The following TPX2 variants were observed in gnomAD, a reference collection of about 807,000 sequenced individuals.
TPX2 encodes TPX2 microtubule nucleation factor.
In TPX2, 21 loss-of-function variants were observed where a neutral mutation model predicts 93.6. The ratio of observed to expected loss-of-function variants is 0.22; its 90% confidence interval spans 0.16 to 0.32. TPX2 has a LOEUF of 0.32. TPX2 is among the 10% of genes least tolerant of loss of function. TPX2 has a pLI of 1.00. For missense variants in TPX2, 776 were observed against 871.1 expected (o/e 0.89, Z 1.37); for synonymous variants, 281 against 298.3 (o/e 0.94, Z 0.60).
At chr20:31,758,748 C>T (rs1323283912) in intron 3 of TPX2, among the ~76,000 whole-genome samples, 2 of 151,990 alleles carry the variant, frequency 1.3e-5, no homozygotes, top group Non-Finnish European at 2.9e-5. Context: ...TGAGAGGAGT[C>T]GTCTGTTGGA....
Position 31,777,527 on chromosome 20 carries a change from A to G in TPX2, c.771A>G (p.Ser257=). ...VKKSVSQVTK[S]VDFHFRTDER... ...AATCAGTGAGCCAGGTCACCAAATC[A>G]GTTGACTTCCACTTCCGCACAGATG... The change falls in exon 9 of 18, where the codon TCA becomes TCG. Residue 257 remains serine (S), a synonymous_variant. Transcript: ENST00000300403. 3 of 1,614,178 alleles carry G rather than the reference A, an allele frequency of 1.9e-6. No homozygotes were observed. Among genetic ancestry groups the G allele is most frequent in the Non-Finnish European group, 2.5e-6 (3 of 1,180,018 alleles).
chr20:31,752,253 G>A (rs146098417), intron 2 of TPX2, among the ~76,000 whole-genome samples: 88 of 152,260 alleles, frequency 5.8e-4, no homozygotes, highest in African/African-American at 2.0e-3. Context: ...GCAAGAAGAA[G>A]GATAAAGGGA....
Position 31,783,219 on chromosome 20 carries a change from ATTCT to A in TPX2, c.1197-480_1197-477del, listed in dbSNP as rs368788479. 2.4e-3 allele frequency among the ~76,000 whole-genome samples: 372 copies of A among 151,838 alleles called. 2 individuals are homozygous for A. Among genetic ancestry groups the A allele is most frequent in the African/African-American group, 8.4e-3 (350 of 41,428 alleles). Reference sequence around the variant, plus strand: ...TAGGGATGTTAGGACTGTCTGATTTATTCTTTCTTCTTTTATTCTTTTATTATTT... The same window carrying A: ...TAGGGATGTTAGGACTGTCTGATTTATTCTTCTTTTATTCTTTTATTATTT... On this transcript the variant is annotated intron_variant, in intron 11 of 17. Coordinates refer to ENST00000300403, the MANE Select transcript of TPX2 (RefSeq NM_012112.5).
chr20:31,784,043 A>G (rs2062050601), intron 12 of TPX2, 122 bp downstream of exon 12: 4 of 1,048,616 alleles, frequency 3.8e-6, no homozygotes, highest in Middle Eastern at 5.9e-4. Context: ...TGCAGGTGAT[A>G]AAGAGACTTA....
intron 5 of TPX2, among the ~76,000 whole-genome samples, chr20:31,769,970 A>T (rs894076811): frequency 2.0e-5 from 3 of 151,924 alleles, no homozygotes; most frequent in African/African-American, 7.3e-5. Flanking sequence ...GCTAATTTTT[A>T]AAAAATTTTT....
intron 3 of TPX2, among the ~76,000 whole-genome samples, chr20:31,758,900 AAAAG>A (rs1459050701): frequency 1.3e-5 from 2 of 152,210 alleles, no homozygotes; most frequent in African/African-American, 4.8e-5. Flanking sequence ...TTTAAAATAA[AAAAG>A]AAAAGAAAAG....
intron 15 of TPX2, among the ~76,000 whole-genome samples, chr20:31,795,067 C>A (rs913099799): frequency 6.6e-6 from 1 of 152,072 alleles, no homozygotes; most frequent in African/African-American, 2.4e-5. Flanking sequence ...GTGATCTGTC[C>A]GCCTCGGCTT....
chr20:31,786,268 A>G (rs2062065136), intron 12 of TPX2, among the ~76,000 whole-genome samples: 1 of 151,934 alleles, frequency 6.6e-6, no homozygotes, highest in Non-Finnish European at 1.5e-5. Context: ...CCATGCTGTT[A>G]TATAAAAATA....
chr20:31,749,044 C>T (rs1226860445), intron 2 of TPX2, among the ~76,000 whole-genome samples: 1 of 151,018 alleles, frequency 6.6e-6, no homozygotes, highest in East Asian at 1.9e-4. Context: ...CTCCTGGGTT[C>T]ACGCCATTCT....
At chr20:31,760,565 C>A (rs2061883272) in intron 4 of TPX2, among the ~76,000 whole-genome samples, 1 of 152,056 alleles carries the variant, frequency 6.6e-6, no homozygotes, top group African/African-American at 2.4e-5. Flanking sequence ...CTTTGCTAGC[C>A]AAGCTGGTCT....
chr20:31,770,387 A>G lies in TPX2; in HGVS notation c.401A>G (p.Glu134Gly). 1 of 1,606,974 alleles carries G rather than the reference A, an allele frequency of 6.2e-7. No individual in the cohort carries two copies. The highest frequency in any genetic ancestry group is 1.1e-5 in the South Asian group (1 of 89,816). The stretch of plus-strand genomic sequence containing the variant: ...GCTCAGAAGGATTTGGAACAGAAAG[A>G]AAAGCATCATGTAAAAATGAAAGCC... ...LSAQKDLEQK[E>G]KHHVKMKAKR... The change falls in exon 6 of 18, where the codon GAA becomes GGA. Residue 134 changes from glutamate to glycine, a missense_variant. Physicochemically the swap from Glu to Gly is moderately conservative, Grantham distance 98. This residue lies in a region of TPX2 where 279 missense variants were observed against 261.6 expected (regional missense o/e 1.07). Transcript: ENST00000300403.
In TPX2 at chr20:31,799,440, G is replaced by A. The variant is rs549446202; in HGVS notation, c.2133+888G>A. Among the ~76,000 whole-genome samples, 69 of 152,260 alleles carry A rather than the reference G, an allele frequency of 4.5e-4. 1 individual carries two copies. The South Asian group carries it at 0.014, about 31-fold the overall frequency. ...AAACTGTAAAGAAAGTGGATGTTAT[G>A]TGCTCACACTACAATAAGTGGATGT... On this transcript the variant is annotated intron_variant, in intron 17 of 17. Transcript: ENST00000300403.
chr20:31,775,085 G>A lies in TPX2; in HGVS notation c.609-782G>A, dbSNP rs539528139. On this transcript the variant is annotated intron_variant, in intron 7 of 17. Transcript: ENST00000300403. Reference sequence around the variant, plus strand: ...AGCGATTCTCCTGCCTCAGCCTCCCGAGTAGCTAGGATTACAGGTGCCTGC... The same window carrying A: ...AGCGATTCTCCTGCCTCAGCCTCCCAAGTAGCTAGGATTACAGGTGCCTGC... 1.2e-4 allele frequency among the ~76,000 whole-genome samples: 18 copies of A among 148,520 alleles called. No individual in the cohort carries two copies. The South Asian group carries it at 3.1e-3, about 25-fold the overall frequency.
At chr20:31,794,788 G>GTA (rs1555788447) in intron 15 of TPX2, among the ~76,000 whole-genome samples, 2 of 150,762 alleles carry the variant, frequency 1.3e-5, no homozygotes, top group African/African-American at 2.4e-5. Flanking sequence ...GTGTGTGTGT[G>GTA]TGTATGTGTG....
At chr20:31,754,152 T>C (rs1246547819) in intron 2 of TPX2, among the ~76,000 whole-genome samples, 1 of 152,022 alleles carries the variant, frequency 6.6e-6, no homozygotes, top group Non-Finnish European at 1.5e-5. Context: ...CAGGCTGGAG[T>C]GCAGTGGTGC....
chr20:31,755,815 A>G (rs1054439283), intron 2 of TPX2, among the ~76,000 whole-genome samples: 1 of 151,992 alleles, frequency 6.6e-6, no homozygotes, highest in African/African-American at 2.4e-5. Flanking sequence ...ATTATTGGCC[A>G]CTGAGTGTGG....
intron 8 of TPX2, among the ~76,000 whole-genome samples, chr20:31,776,523 C>A (rs2062000731): frequency 6.6e-6 from 1 of 151,086 alleles, no homozygotes; most frequent in South Asian, 2.1e-4. Flanking sequence ...TCGGTACTTT[C>A]TTTCTTTTTT....
chr20:31,758,598 G>A (rs765599836), intron 3 of TPX2, among the ~76,000 whole-genome samples: 25 of 152,076 alleles, frequency 1.6e-4, no homozygotes, highest in Admixed American at 2.6e-4. Context: ...CCTCCTTATC[G>A]GGAGAAATCA....
intron 10 of TPX2, among the ~76,000 whole-genome samples, chr20:31,779,282 G>T (rs2062019769): frequency 6.6e-6 from 1 of 152,142 alleles, no homozygotes; most frequent in African/African-American, 2.4e-5. Context: ...GTGTCAAAGT[G>T]TCACATTGCA....
Sources: allele counts gnomAD v4.1 joint callset (sites outside exome capture counted in the v4.1 genomes callset), GRCh38; gene constraint gnomAD v4.1.1; regional missense constraint gnomAD v4.1.1; transcripts MANE v1.5; gene names NCBI Gene and HGNC (gene_info 2026-07-23, HGNC 2026-07-21).